CNTN5: variants seen among roughly 807,000 people sequenced by gnomAD.
The protein encoded by CNTN5 is contactin-5.
A neutral mutation model predicts 129.1 loss-of-function variants in CNTN5; 77 were observed. That is an observed-to-expected ratio of 0.60 (90% CI 0.50 to 0.72). CNTN5 has a LOEUF of 0.72. Ranked by LOEUF, CNTN5 falls within the 30% of genes least tolerant of loss-of-function variation. CNTN5 has a pLI of 0.00. For missense variants in CNTN5, 1,478 were observed against 1,328.8 expected (o/e 1.11, Z -1.75); for synonymous variants, 509 against 465.6 (o/e 1.09, Z -1.20).
intron 1 of CNTN5, among the ~76,000 whole-genome samples, chr11:99,030,932 C>T (rs1210338699): frequency 6.6e-6 from 1 of 152,014 alleles, no homozygotes; most frequent in Non-Finnish European, 1.5e-5. Flanking sequence ...AGGCGCTCGC[C>T]ACCACGCCTG....
intron 3 of CNTN5, among the ~76,000 whole-genome samples, chr11:99,773,917 A>G (rs1011205177): frequency 2.0e-5 from 3 of 152,064 alleles, no homozygotes; most frequent in African/African-American, 4.8e-5. Flanking sequence ...GTGGTTTCCT[A>G]GCAACTATTG....
rs34601310 is a variant in CNTN5 at position 100,110,427 on chromosome 11, AT to A, written c.1580+36142del. On this transcript the variant is annotated intron_variant, in intron 13 of 24. Transcript: ENST00000524871. Reference sequence around the variant, plus strand: ...TATTTTCCAATAATATAGGATTGCTATTTTTTTTTCTGATACATGGTTAAGC... The same window carrying A: ...TATTTTCCAATAATATAGGATTGCTATTTTTTTTCTGATACATGGTTAAGC... Among the ~76,000 whole-genome samples the A allele has an allele frequency of 9.8e-3, 1,472 of 150,770 alleles. 34 individuals carry two copies. The highest frequency in any genetic ancestry group is 0.034 in the African/African-American group (1,392 of 41,148).
intron 3 of CNTN5, among the ~76,000 whole-genome samples, chr11:99,646,143 C>A (rs967046681): frequency 6.6e-6 from 1 of 152,022 alleles, no homozygotes; most frequent in Non-Finnish European, 1.5e-5. Flanking sequence ...TATTTGCAGT[C>A]GAAAACATTG....
In CNTN5 at chr11:99,224,069, T is replaced by C. The variant is rs371112024; in HGVS notation, c.-209-101277T>C. Among the ~76,000 whole-genome samples the C allele has an allele frequency of 7.9e-5, 12 of 152,300 alleles. No individual in the cohort carries two copies. In the South Asian group the frequency reaches 2.5e-3, roughly 32 times the overall value. On this transcript the variant is annotated intron_variant, in intron 1 of 24. Coordinates refer to ENST00000524871, the MANE Select transcript of CNTN5 (RefSeq NM_014361.4). ...GCTAACTACAGAGAACACAGTTCAA[T>C]GCACCCATCACAATTGGAACAATAC...
chr11:100,168,125 G>C (rs1947702098), intron 13 of CNTN5, among the ~76,000 whole-genome samples: 1 of 151,930 alleles, frequency 6.6e-6, no homozygotes, highest in South Asian at 2.1e-4. Context: ...GAAGAGGTTG[G>C]TTCATGAGGT....
intron 2 of CNTN5, among the ~76,000 whole-genome samples, chr11:99,340,425 G>C (rs910581161): frequency 1.3e-5 from 2 of 151,996 alleles, no homozygotes; most frequent in Non-Finnish European, 2.9e-5. Context: ...ACAGAGATGT[G>C]GATAATTAGG....
At chr11:99,232,745 G>A (rs1334969141) in intron 1 of CNTN5, among the ~76,000 whole-genome samples, 1 of 152,132 alleles carries the variant, frequency 6.6e-6, no homozygotes, top group Non-Finnish European at 1.5e-5. Flanking sequence ...CTGCCAAAAT[G>A]TCAGAGTGCT....
At chr11:99,360,951 A>T (rs983022134) in intron 2 of CNTN5, among the ~76,000 whole-genome samples, 6 of 152,082 alleles carry the variant, frequency 3.9e-5, no homozygotes, top group African/African-American at 1.4e-4. Context: ...CATCTTCAAC[A>T]TTTTGCTTAG....
intron 3 of CNTN5, among the ~76,000 whole-genome samples, chr11:99,746,404 T>C (rs1944057471): frequency 1.3e-5 from 2 of 152,162 alleles, no homozygotes; most frequent in Non-Finnish European, 1.5e-5. Flanking sequence ...ATTTCCAGAC[T>C]CTCTATTGTG....
chr11:99,600,856 T>A (rs1025257942), intron 3 of CNTN5, among the ~76,000 whole-genome samples: 4 of 152,178 alleles, frequency 2.6e-5, no homozygotes, highest in Non-Finnish European at 4.4e-5. Context: ...TTCAAGAAGC[T>A]CAAAGGTATT....
intron 2 of CNTN5, among the ~76,000 whole-genome samples, chr11:99,328,887 A>G (rs1865892158): frequency 2.2e-5 from 3 of 137,466 alleles, no homozygotes; most frequent in Admixed American, 7.3e-5. Flanking sequence ...AAAAAAAAAA[A>G]AGAAAAAAAA....
At chr11:99,871,874 T>C (rs2135814701) in intron 6 of CNTN5, among the ~76,000 whole-genome samples, 1 of 151,950 alleles carries the variant, frequency 6.6e-6, no homozygotes, top group South Asian at 2.1e-4. Flanking sequence ...TAGATATAGT[T>C]CTGATCTAGC....
intron 3 of CNTN5, among the ~76,000 whole-genome samples, chr11:99,584,972 AAAACT>A (rs71046702): frequency 0.66 from 99,776 of 151,808 alleles, 36,997 homozygotes; most frequent in Non-Finnish European, 0.81. Flanking sequence ...CTTTTGTGTA[AAAACT>A]AAAATTTTTG....
At chr11:100,337,690 A>C in intron 21 of CNTN5, 5 of 582,042 alleles carry the variant, frequency 8.6e-6, no homozygotes, top group Non-Finnish European at 1.7e-5. Context: ...TGTTTTCTCC[A>C]GCTGTGCATA....
intron 8 of CNTN5, among the ~76,000 whole-genome samples, chr11:99,965,482 C>A (rs1951069515): frequency 6.6e-6 from 1 of 152,170 alleles, no homozygotes; most frequent in South Asian, 2.1e-4. Context: ...GAGTGAATTT[C>A]TTAATCCTGA....
intron 2 of CNTN5, among the ~76,000 whole-genome samples, chr11:99,437,251 A>G (rs1943635612): frequency 6.6e-6 from 1 of 152,216 alleles, no homozygotes; most frequent in African/African-American, 2.4e-5. Context: ...ACCTGATGTT[A>G]TGTTAAAGTC....
intron 18 of CNTN5, among the ~76,000 whole-genome samples, chr11:100,292,026 A>T (rs555726759): frequency 6.6e-6 from 1 of 151,926 alleles, no homozygotes; most frequent in Non-Finnish European, 1.5e-5. Flanking sequence ...GGTATTTAAA[A>T]ATTCCAGTTT....
intron 23 of CNTN5, among the ~76,000 whole-genome samples, chr11:100,346,400 T>C (rs1482352601): frequency 6.6e-6 from 1 of 152,128 alleles, no homozygotes; most frequent in Non-Finnish European, 1.5e-5. Context: ...GGTTATAAAG[T>C]AAAAACAACC....
intron 19 of CNTN5, 109 bp from the exon 20 acceptor site, chr11:100,299,053 G>C (rs891089342): frequency 2.9e-6 from 2 of 679,986 alleles, no homozygotes; most frequent in African/African-American, 3.7e-5. Context: ...AAAGATTTGA[G>C]ATTCTCCCTT....
Sources: allele counts gnomAD v4.1 joint callset (sites outside exome capture counted in the v4.1 genomes callset), GRCh38; gene constraint gnomAD v4.1.1; transcripts MANE v1.5; gene names NCBI Gene and HGNC (gene_info 2026-07-23, HGNC 2026-07-21).